Variants in TENM3 observed in about 807,000 individuals in gnomAD.
The protein encoded by TENM3 is teneurin-3.
A neutral mutation model predicts 255.1 loss-of-function variants in TENM3; 63 were observed. The observed-to-expected ratio is 0.25, with a 90% CI of 0.20 to 0.30. The LOEUF (loss-of-function observed/expected upper bound fraction) is 0.30, where lower values mean the gene tolerates loss of function less well. Ranked by LOEUF, TENM3 falls within the 10% of genes least tolerant of loss-of-function variation. The pLI, the probability that TENM3 is intolerant of heterozygous loss-of-function variation, is 1.00. For missense variants in TENM3, 2,929 were observed against 3,461.1 expected (o/e 0.85, Z 3.86); for synonymous variants, 1,306 against 1,322.3 (o/e 0.99, Z 0.27).
At chr4:181,888,387 G>C in the TENM3 span, among the ~76,000 whole-genome samples, 2 of 150,384 alleles carry the variant, frequency 1.3e-5, no homozygotes, top group African/African-American at 4.9e-5. Context: ...CCCTAGGCTT[G>C]TAGGTAAACG....
At chr4:181,567,231 T>C in the TENM3 span, among the ~76,000 whole-genome samples, 1 of 152,362 alleles carries the variant, frequency 6.6e-6, no homozygotes, top group South Asian at 2.1e-4. Flanking sequence ...CCCCATCACC[T>C]TCAGGAACCT....
chr4:181,716,576 T>TA, the TENM3 span, among the ~76,000 whole-genome samples: 1 of 152,188 alleles, frequency 6.6e-6, no homozygotes, highest in East Asian at 1.9e-4. Flanking sequence ...ACTAGCTATG[T>TA]ACCTTGGACT....
the TENM3 span, among the ~76,000 whole-genome samples, chr4:182,100,446 A>ATATAT: frequency 1.2e-5 from 1 of 85,892 alleles, no homozygotes; most frequent in Non-Finnish European, 2.7e-5. Context: ...CGTAAAAAAA[A>ATATAT]AAATATATAT....
At chr4:182,129,981 A>T in the TENM3 span, among the ~76,000 whole-genome samples, 1 of 152,130 alleles carries the variant, frequency 6.6e-6, no homozygotes, top group Non-Finnish European at 1.5e-5. Flanking sequence ...TATTGTTCTT[A>T]CTGTAAAGTT....
chr4:182,333,527 G>C (rs930402117), intron 2 of TENM3, among the ~76,000 whole-genome samples: 1 of 152,056 alleles, frequency 6.6e-6, no homozygotes, highest in African/African-American at 2.4e-5. Context: ...AAAAAATTTA[G>C]AAAGGATTCT....
intron 3 of TENM3, among the ~76,000 whole-genome samples, chr4:182,456,738 T>C (rs1230432217): frequency 1.3e-5 from 2 of 152,314 alleles, no homozygotes; most frequent in African/African-American, 2.4e-5. Flanking sequence ...CCTTCCGTGA[T>C]TGTGTTACCA....
At chr4:182,481,479 T>A (rs553000696) in intron 3 of TENM3, among the ~76,000 whole-genome samples, 12 of 152,264 alleles carry the variant, frequency 7.9e-5, no homozygotes, top group South Asian at 2.1e-4. Context: ...GAGATTTTTT[T>A]AAAATTATTT....
chr4:181,981,519 A>G, the TENM3 span, among the ~76,000 whole-genome samples: 352 of 152,364 alleles, frequency 2.3e-3, no homozygotes, highest in African/African-American at 7.9e-3. Flanking sequence ...TAAGTAGATT[A>G]CATTAATATT....
At chr4:182,765,837 T>C (rs1763671569) in intron 22 of TENM3, among the ~76,000 whole-genome samples, 1 of 152,164 alleles carries the variant, frequency 6.6e-6, no homozygotes, top group Admixed American at 6.5e-5. Context: ...TTTTTACCAT[T>C]TCCTTCCAAC....
At chr4:181,779,376 A>G in the TENM3 span, among the ~76,000 whole-genome samples, 4 of 152,070 alleles carry the variant, frequency 2.6e-5, no homozygotes, top group Non-Finnish European at 5.9e-5. Flanking sequence ...AGTTCTAAAC[A>G]AGAACTACAT....
At chr4:181,483,083 T>C in the TENM3 span, among the ~76,000 whole-genome samples, 2 of 152,184 alleles carry the variant, frequency 1.3e-5, no homozygotes, top group African/African-American at 4.8e-5. Flanking sequence ...TGGATAATTC[T>C]GAGTTCTTCT....
the TENM3 span, among the ~76,000 whole-genome samples, chr4:182,126,668 G>A: frequency 6.6e-6 from 1 of 152,084 alleles, no homozygotes; most frequent in Admixed American, 6.6e-5. Flanking sequence ...TGTATAAAAT[G>A]GTGGTCCTTT....
At chr4:181,935,664 G>C in the TENM3 span, among the ~76,000 whole-genome samples, 1 of 152,152 alleles carries the variant, frequency 6.6e-6, no homozygotes, top group African/African-American at 2.4e-5. Flanking sequence ...TGCATGCCGG[G>C]CACTCCTGGA....
intron 3 of TENM3, among the ~76,000 whole-genome samples, chr4:182,368,998 CTT>C (rs1354806060): frequency 6.6e-6 from 1 of 152,190 alleles, no homozygotes; most frequent in East Asian, 1.9e-4. Context: ...TCATGAAACA[CTT>C]TGTGTTCGCT....
At chr4:181,964,695 T>C in the TENM3 span, among the ~76,000 whole-genome samples, 2 of 152,190 alleles carry the variant, frequency 1.3e-5, no homozygotes, top group African/African-American at 4.8e-5. Flanking sequence ...CATGCACTGC[T>C]GAATATCATC....
chr4:182,219,547 C>T (rs561529900), intron 1 of TENM3, among the ~76,000 whole-genome samples: 1 of 152,114 alleles, frequency 6.6e-6, no homozygotes, highest in African/African-American at 2.4e-5. Context: ...TGCCTTTAAT[C>T]CCAGCTACTC....
intron 3 of TENM3, among the ~76,000 whole-genome samples, chr4:182,540,954 A>G (rs538899139): frequency 6.6e-6 from 1 of 152,308 alleles, no homozygotes; most frequent in Non-Finnish European, 1.5e-5. Flanking sequence ...AGCGAGTGGT[A>G]CTAAGGTTAG....
the TENM3 span, among the ~76,000 whole-genome samples, chr4:181,855,096 A>T: frequency 1.3e-5 from 2 of 152,210 alleles, no homozygotes; most frequent in Non-Finnish European, 2.9e-5. Context: ...TTGTGAAATA[A>T]CGTTGATGCA....
chr4:181,994,269 A>G, the TENM3 span, among the ~76,000 whole-genome samples: 19 of 152,260 alleles, frequency 1.2e-4, no homozygotes, highest in Non-Finnish European at 1.6e-4. Flanking sequence ...GATAATTCAA[A>G]TTGGGGTGGG....
Sources: allele counts gnomAD v4.1 joint callset (sites outside exome capture counted in the v4.1 genomes callset), GRCh38; gene constraint gnomAD v4.1.1; transcripts MANE v1.5; gene names NCBI Gene and HGNC (gene_info 2026-07-23, HGNC 2026-07-21).